TGM7: variants seen among roughly 807,000 people sequenced by gnomAD.
The protein encoded by TGM7 is transglutaminase 7, also known as protein-glutamine gamma-glutamyltransferase Z.
TGM7 carries 74 observed loss-of-function variants against 79.5 expected under a neutral mutation model. The ratio of observed to expected loss-of-function variants is 0.93; its 90% confidence interval spans 0.77 to 1.13. The LOEUF (loss-of-function observed/expected upper bound fraction) is 1.13, where lower values mean the gene tolerates loss of function less well. Among genes scored for constraint, TGM7 ranks in the 50% most tolerant of loss-of-function variants. TGM7 has a pLI of 0.00. For missense variants in TGM7, 912 were observed against 905.9 expected (o/e 1.01, Z -0.09); for synonymous variants, 354 against 362.5 (o/e 0.98, Z 0.27).
intron 1 of TGM7, among the ~76,000 whole-genome samples, chr15:43,298,924 A>G (rs1401308034): frequency 6.6e-6 from 1 of 152,186 alleles, no homozygotes; most frequent in Non-Finnish European, 1.5e-5. Context: ...GGAGTTGGCT[A>G]CATAAACTTG....
At chr15:43,301,629 CAA>C (rs56249665) in intron 1 of TGM7, among the ~76,000 whole-genome samples, 14 of 127,142 alleles carry the variant, frequency 1.1e-4, no homozygotes, top group Non-Finnish European at 1.6e-4. Context: ...GACTCCATCT[CAA>C]AAAAAAAAAA....
chr15:43,287,234 G>A (rs779347553), intron 6 of TGM7, 46 bp downstream of exon 6: 3 of 1,576,164 alleles, frequency 1.9e-6, no homozygotes, highest in Non-Finnish European at 2.6e-6. Flanking sequence ...TAACTTCTCT[G>A]ATAATGAAGT....
rs1269783685 is a variant in TGM7, at chr15:43,284,907, C to G, written c.911G>C (p.Arg304Pro). 2 of 1,614,082 alleles carry G rather than the reference C, an allele frequency of 1.2e-6. No homozygotes were observed. The highest frequency in any genetic ancestry group is 1.1e-5 in the South Asian group (1 of 91,080). The change falls in exon 7 of 13, where the codon CGT (arginine) becomes CCT (proline). Residue 304 changes from arginine to proline, a missense_variant. Transcript: ENST00000452443. ...GVPTRVVSNFRSAHNVDRNLT... is the reference protein window; with the variant it reads ...GVPTRVVSNFPSAHNVDRNLT... ...GTTCCTATCCACGTTGTGCGCGGAACGGAAATTGGAAACAACACGGGTTGG... is the reference window on the plus strand; with the variant it reads ...GTTCCTATCCACGTTGTGCGCGGAAGGGAAATTGGAAACAACACGGGTTGG...
intron 12 of TGM7, 72 bp downstream of exon 12, chr15:43,276,766 AGGCACTGCACAGGAGACTGAGGAG>A: frequency 1.3e-6 from 2 of 1,547,404 alleles, no homozygotes; most frequent in Middle Eastern, 2.3e-4. Flanking sequence ...GGGGGCAGAG[AGGCACTGCACAGGAGACTGAGGAG>A]GGTCCTGTGA....
At chr15:43,278,700 C>T (rs1274927364) in intron 11 of TGM7, among the ~76,000 whole-genome samples, 10 of 152,310 alleles carry the variant, frequency 6.6e-5, no homozygotes, top group Middle Eastern at 6.8e-3. Context: ...GTGATCCTCC[C>T]GCCTTGGCCT....
In TGM7 at chr15:43,287,554, A is replaced by G. The variant is rs756218113; in HGVS notation, c.674T>C (p.Val225Ala). Residue 225 changes from valine (V) to alanine (A), a missense_variant, in exon 5 of 13, where the codon GTG becomes GCG. Physicochemically the swap from Val to Ala is moderately conservative, Grantham distance 64 (BLOSUM62 0). Coordinates refer to ENST00000452443, the MANE Select transcript of TGM7 (RefSeq NM_052955.3). ...ATCCATCCTTACCATGGCACTCACC[A>G]CCCTGCACACATACACCACGTCGTT... ...QRNDVVYVCR[V>A]VSAMINSNDD... The G allele has an allele frequency of 4.2e-5, 68 of 1,613,710 alleles. No homozygotes were observed. In the South Asian group the frequency reaches 7.1e-4, roughly 17 times the overall value.
intron 4 of TGM7, among the ~76,000 whole-genome samples, chr15:43,290,008 G>A (rs1201608633): frequency 6.6e-6 from 1 of 152,166 alleles, no homozygotes; most frequent in Non-Finnish European, 1.5e-5. Context: ...CTCCCATTCT[G>A]TAGGTTGCCT....
intron 4 of TGM7, among the ~76,000 whole-genome samples, chr15:43,290,161 T>A (rs1248691948): frequency 6.6e-6 from 1 of 152,190 alleles, no homozygotes; most frequent in Admixed American, 6.5e-5. Flanking sequence ...CTGAATGGTA[T>A]TGCCTAGGTT....
Position 43,292,894 on chromosome 15 carries a change from G to A in TGM7, c.254C>T (p.Pro85Leu), listed in dbSNP as rs1177149526. 1.2e-6 allele frequency: 2 copies of A among 1,613,770 alleles called. No individual in the cohort carries two copies. Among genetic ancestry groups the A allele is most frequent in the African/African-American group, 2.7e-5 (2 of 74,934 alleles). ...ATCAGAAGCGCTCCAGACATTCCCG[G>A]GCTGGACCCGGGTGAGGAAGAATGT... ...RATFFLTRVQ[P>L]GNVWSASDFT... Residue 85 changes from proline (P) to leucine (L), a missense_variant, in exon 3 of 13, where the codon CCC becomes CTC. Coordinates refer to ENST00000452443, the MANE Select transcript of TGM7 (RefSeq NM_052955.3).
intron 7 of TGM7, among the ~76,000 whole-genome samples, chr15:43,284,343 T>TACAC (rs10654403): frequency 7.3e-4 from 110 of 150,610 alleles, no homozygotes; most frequent in African/African-American, 2.0e-3. Flanking sequence ...TGCACAGAGA[T>TACAC]ACACACACAC....
intron 4 of TGM7, among the ~76,000 whole-genome samples, chr15:43,288,313 G>A (rs780734154): frequency 1.3e-5 from 2 of 152,126 alleles, no homozygotes; most frequent in Admixed American, 6.6e-5. Flanking sequence ...TGGGGAAAAC[G>A]TGCTCTCCCT....
chr15:43,300,693 C>A (rs1023815233), intron 1 of TGM7, among the ~76,000 whole-genome samples: 1 of 151,916 alleles, frequency 6.6e-6, no homozygotes, highest in South Asian at 2.1e-4. Context: ...CCCAGCTACT[C>A]GGGAGGCTGA....
intron 7 of TGM7, among the ~76,000 whole-genome samples, chr15:43,283,218 C>T (rs2042918485): frequency 6.6e-6 from 1 of 152,230 alleles, no homozygotes; most frequent in African/African-American, 2.4e-5. Flanking sequence ...TACATAACCC[C>T]TGTATAGTTC....
chr15:43,279,893 T>A lies in TGM7; in HGVS notation c.1410A>T (p.Gln470His), dbSNP rs1351563884. Residue 470 changes from glutamine (Q) to histidine (H), a missense_variant, in exon 10 of 13, where the codon CAA (glutamine) becomes CAT (histidine). Physicochemically the swap from Gln to His is conservative, Grantham distance 24. Transcript: ENST00000452443. ...MKASRKMLGP[Q>H]RASLPFLDLL... ...GATCCAGGAAGGGCAAAGAAGCTCT[T>A]TGGGGGCCCAGCATTTTCCGAGAAG... The A allele has an allele frequency of 6.2e-7, 1 of 1,614,164 alleles. No individual in the cohort carries two copies. Among genetic ancestry groups the A allele is most frequent in the South Asian group, 1.1e-5 (1 of 91,088 alleles).
rs2042910288 is a variant in TGM7 at position 43,281,837 on chromosome 15, C to T, written c.1351+7G>A. On this transcript the variant is annotated splice_region_variant and intron_variant, in intron 9 of 12. Transcript: ENST00000452443. ...AGCAGCCCTTTCCCCAAATACCCGC[C>T]CAGCACCTTCTGGGTACTTGTAGGA... 1 of 1,613,554 alleles carries T rather than the reference C, an allele frequency of 6.2e-7. No homozygotes were observed. The highest frequency in any genetic ancestry group is 2.2e-5 in the East Asian group (1 of 44,870).
At position 43,279,706 on chromosome 15, in the gene TGM7, C is replaced by T; in HGVS notation, c.1597G>A (p.Ala533Thr). 6.2e-7 allele frequency: 1 copy of T among 1,613,970 alleles called. No homozygotes were observed. Among genetic ancestry groups the T allele is most frequent in the Non-Finnish European group, 8.5e-7 (1 of 1,180,036 alleles). The stretch of plus-strand genomic sequence containing the variant: ...CCACCCCCATGCAGCAGGGCCTGTG[C>T]ACAGAAGCGCACCACCAGTCCGATG... ...GPIGLVVRFC[A>T]QALLHGGGTQ... is the part of the protein sequence containing the mutation. The change falls in exon 10 of 13, where the codon GCA (alanine) becomes ACA (threonine). Residue 533 changes from alanine to threonine, a missense_variant. Transcript: ENST00000452443.
chr15:43,286,870 G>A (rs2042938055), intron 6 of TGM7, among the ~76,000 whole-genome samples: 2 of 152,202 alleles, frequency 1.3e-5, no homozygotes, highest in Admixed American at 1.3e-4. Flanking sequence ...TCTCAGTGAA[G>A]CATTTGGGGG....
At position 43,282,516 on chromosome 15, in the gene TGM7, C is replaced by CCT; in HGVS notation, c.1108_1108+1insAG (p.Gly370GlufsTer11). ...AGCCTGTTGCAATGGTCCTCACTCA[C>CCT]CACTGCTGGTCTGCTGGGGAGTGGG... is the stretch of plus-strand genomic sequence containing the variant. On this transcript the variant is annotated frameshift_variant and splice_region_variant. Coordinates refer to ENST00000452443, the MANE Select transcript of TGM7 (RefSeq NM_052955.3). LOFTEE classifies it high-confidence loss of function. The CCT allele has an allele frequency of 6.3e-7, 1 of 1,582,766 alleles. No homozygotes were observed.
In TGM7 at chr15:43,279,684, C is replaced by G; in HGVS notation, c.1619G>C (p.Gly540Ala). 6.2e-7 allele frequency: 1 copy of G among 1,613,226 alleles called. No individual in the cohort carries two copies. The highest frequency in any genetic ancestry group is 2.2e-5 in the East Asian group (1 of 44,860). The change falls in exon 10 of 13, where the codon GGT (glycine) becomes GCT (alanine). Residue 540 changes from glycine to alanine, a missense_variant. Gly to Ala is a moderately conservative substitution (Grantham distance 60). Transcript: ENST00000452443. ...CCTCCAGAAGGGCTTCTGGGTACCA[C>G]CCCCATGCAGCAGGGCCTGTGCACA... ...RFCAQALLHG[G>A]GTQKPFWRHT...
Sources: allele counts gnomAD v4.1 joint callset (sites outside exome capture counted in the v4.1 genomes callset), GRCh38; gene constraint gnomAD v4.1.1; transcripts MANE v1.5; gene names NCBI Gene and HGNC (gene_info 2026-07-23, HGNC 2026-07-21).